SMAP1: variants seen among roughly 807,000 people sequenced by gnomAD.
SMAP1 encodes stromal membrane-associated protein 1.
A neutral mutation model predicts 58.5 loss-of-function variants in SMAP1; 24 were observed. The observed-to-expected ratio is 0.41, with a 90% CI of 0.30 to 0.58. The LOEUF is 0.58. SMAP1 is among the 20% of genes least tolerant of loss of function. The pLI is 0.29. For missense variants in SMAP1, 563 were observed against 566.3 expected, an observed-to-expected ratio of 0.99 and a Z score of 0.06; for synonymous variants, 216 against 196.6, an observed-to-expected ratio of 1.10 and a Z score of -0.82.
At chr6:70,756,493 G>A (rs998756028) in intron 3 of SMAP1, among the ~76,000 whole-genome samples, 13 of 152,156 alleles carry the variant, frequency 8.5e-5, no homozygotes, top group African/African-American at 3.1e-4. Context: ...AGGGTTAATG[G>A]TAGAAGGTTC....
intron 7 of SMAP1, among the ~76,000 whole-genome samples, chr6:70,840,631 C>T (rs754838927): frequency 3.3e-5 from 5 of 152,180 alleles, no homozygotes; most frequent in Non-Finnish European, 1.5e-5. Flanking sequence ...AGGGTTTGCT[C>T]ACCCCTGCTT....
chr6:70,700,169 C>T (rs1767568730), intron 1 of SMAP1, among the ~76,000 whole-genome samples: 1 of 152,172 alleles, frequency 6.6e-6, no homozygotes, highest in South Asian at 2.1e-4. Flanking sequence ...CTGCCCCTTG[C>T]TCCTTCTCTC....
intron 1 of SMAP1, among the ~76,000 whole-genome samples, chr6:70,689,484 C>A (rs910044313): frequency 6.6e-6 from 1 of 152,262 alleles, no homozygotes; most frequent in East Asian, 1.9e-4. Context: ...TCTTAATAAG[C>A]CTGGAAGTAA....
intron 2 of SMAP1, among the ~76,000 whole-genome samples, chr6:70,735,827 C>G (rs1255431112): frequency 6.6e-6 from 1 of 152,170 alleles, no homozygotes; most frequent in Admixed American, 6.5e-5. Flanking sequence ...TTTTACTGTA[C>G]ATAGTTACAT....
At chr6:70,738,603 T>C (rs1765704781) in intron 2 of SMAP1, among the ~76,000 whole-genome samples, 1 of 152,208 alleles carries the variant, frequency 6.6e-6, no homozygotes, top group Admixed American at 6.5e-5. Flanking sequence ...TTTAAACTTT[T>C]GATCTTTCCT....
intron 1 of SMAP1, among the ~76,000 whole-genome samples, chr6:70,716,998 A>G (rs752471759): frequency 6.6e-6 from 1 of 152,098 alleles, no homozygotes. Context: ...TGTGTAGGAG[A>G]TGATTCTTAC....
chr6:70,722,964 G>C (rs1288873656), intron 1 of SMAP1, among the ~76,000 whole-genome samples: 1 of 152,190 alleles, frequency 6.6e-6, no homozygotes, highest in East Asian at 1.9e-4. Flanking sequence ...GGCCAGATTT[G>C]GGGGCCTATC....
At chr6:70,678,877 TAATACAGGAC>T (rs1766586827) in intron 1 of SMAP1, among the ~76,000 whole-genome samples, 1 of 152,150 alleles carries the variant, frequency 6.6e-6, no homozygotes, top group African/African-American at 2.4e-5. Context: ...TTTATCTGGG[TAATACAGGAC>T]AATACTGCCA....
chr6:70,704,515 A>G (rs1582031827), intron 1 of SMAP1, among the ~76,000 whole-genome samples: 1 of 152,216 alleles, frequency 6.6e-6, no homozygotes, highest in Admixed American at 6.5e-5. Flanking sequence ...TCATGTTTCA[A>G]ATAACGTCTC....
chr6:70,843,154 T>TCC lies in SMAP1; in HGVS notation c.664+6135_664+6136dup, dbSNP rs374794193. 9.8e-3 allele frequency among the ~76,000 whole-genome samples: 1,239 copies of TCC among 125,870 alleles called. 10 individuals are homozygous for TCC. The highest frequency in any genetic ancestry group is 9.4e-3 in the African/African-American group (320 of 33,998). 82.6% of individuals were successfully genotyped at this position (125,870 alleles called of 152,430 possible). On this transcript the variant is annotated intron_variant, in intron 7 of 10. Transcript: ENST00000370455. Reference sequence around the variant, plus strand: ...GAGTATTTTACACACCCACACACACTCCCCCCCCCCTTTTTAAAATTAACT... The same window carrying TCC: ...GAGTATTTTACACACCCACACACACTCCCCCCCCCCCCTTTTTAAAATTAACT...
At chr6:70,766,931 T>A (rs551867254) in intron 3 of SMAP1, among the ~76,000 whole-genome samples, 24 of 152,214 alleles carry the variant, frequency 1.6e-4, no homozygotes, top group African/African-American at 5.5e-4. Context: ...GTATAAGGTG[T>A]AAGGAAGGGA....
intron 6 of SMAP1, among the ~76,000 whole-genome samples, chr6:70,802,884 G>A (rs1383182107): frequency 1.5e-4 from 7 of 48,168 alleles, no homozygotes; most frequent in South Asian, 1.6e-3. Context: ...TAAGCTTTTC[G>A]ATGTGCTGCT....
chr6:70,680,709 C>T (rs1043971849), intron 1 of SMAP1, among the ~76,000 whole-genome samples: 110 of 137,548 alleles, frequency 8.0e-4, no homozygotes, highest in African/African-American at 2.5e-3. Context: ...ACATGGATTT[C>T]CTGTTTTTTT....
At chr6:70,768,698 C>T (rs1167721482) in intron 3 of SMAP1, among the ~76,000 whole-genome samples, 1 of 151,932 alleles carries the variant, frequency 6.6e-6, no homozygotes, top group African/African-American at 2.4e-5. Context: ...TTTCAAAAAA[C>T]CAGCTCCTGG....
chr6:70,788,363 A>G (rs1425840281), intron 4 of SMAP1, among the ~76,000 whole-genome samples: 2 of 151,032 alleles, frequency 1.3e-5, no homozygotes, highest in Non-Finnish European at 3.0e-5. Flanking sequence ...TGACGAGTTA[A>G]TGGGTGCAGC....
intron 1 of SMAP1, among the ~76,000 whole-genome samples, chr6:70,673,908 G>C (rs1040161390): frequency 1.3e-5 from 2 of 151,996 alleles, no homozygotes; most frequent in Middle Eastern, 3.4e-3. Context: ...TTGTTTGTTT[G>C]TTTGTTTGTT....
chr6:70,794,726 C>T (rs1042972477), intron 5 of SMAP1, among the ~76,000 whole-genome samples: 25 of 151,732 alleles, frequency 1.6e-4, no homozygotes, highest in Admixed American at 1.3e-3. Flanking sequence ...AGAAAGGACA[C>T]GAACTCTTCC....
At chr6:70,784,631 A>G (rs4395687) in intron 4 of SMAP1, among the ~76,000 whole-genome samples, 40,615 of 151,994 alleles carry the variant, frequency 0.27, 6,235 homozygotes, top group East Asian at 0.69. Context: ...ATGGAAAACA[A>G]AAAAAGGCAG....
At chr6:70,830,364 C>G (rs1487718349) in intron 6 of SMAP1, among the ~76,000 whole-genome samples, 3 of 152,130 alleles carry the variant, frequency 2.0e-5, no homozygotes, top group Admixed American at 6.5e-5. Context: ...TTATCACACA[C>G]TAGTATCCCT....
Sources: allele counts gnomAD v4.1 joint callset (sites outside exome capture counted in the v4.1 genomes callset), GRCh38; gene constraint gnomAD v4.1.1; transcripts MANE v1.5; gene names NCBI Gene and HGNC (gene_info 2026-07-23, HGNC 2026-07-21).